Variants in SCN10A observed in about 807,000 individuals in gnomAD.
SCN10A encodes sodium channel protein type 10 subunit alpha.
Under a neutral mutation model 170.7 loss-of-function variants are expected in SCN10A, and 162 were observed. The observed-to-expected ratio is 0.95, with a 90% CI of 0.84 to 1.08. SCN10A has a LOEUF of 1.08. Ranked by LOEUF, SCN10A falls within the 50% of genes least tolerant of loss-of-function variation. SCN10A has a pLI of 0.00. For synonymous variants in SCN10A, 985 were observed against 904.6 expected, an observed-to-expected ratio of 1.09 and a Z score of -1.59; for missense variants, 2,527 against 2,436.9, an observed-to-expected ratio of 1.04 and a Z score of -0.78.
intron 4 of SCN10A, among the ~76,000 whole-genome samples, chr3:38,787,260 T>C (rs534145207): frequency 6.6e-6 from 1 of 152,174 alleles, no homozygotes; most frequent in African/African-American, 2.4e-5. Context: ...ATCTTATTCC[T>C]AGATACTTGA....
At chr3:38,753,619 A>T (rs2063772347) in intron 11 of SCN10A, among the ~76,000 whole-genome samples, 1 of 152,190 alleles carries the variant, frequency 6.6e-6, no homozygotes, top group Admixed American at 6.5e-5. Flanking sequence ...AGGACTATAG[A>T]ACTCATAAAA....
chr3:38,784,202 G>A (rs2064171382), intron 4 of SCN10A, among the ~76,000 whole-genome samples: 1 of 151,974 alleles, frequency 6.6e-6, no homozygotes, highest in Non-Finnish European at 1.5e-5. Context: ...TGCTTCTTGT[G>A]TCATATGTAA....
chr3:38,698,037 G>A lies in SCN10A; in HGVS notation c.5183C>T (p.Ala1728Val). 6.2e-7 allele frequency: 1 copy of A among 1,614,106 alleles called. No individual in the cohort carries two copies. Among genetic ancestry groups the A allele is most frequent in the Non-Finnish European group, 8.5e-7 (1 of 1,180,020 alleles). ...IAVILENFNVATEESTEPLSE... is the reference protein window; with the variant it reads ...IAVILENFNVVTEESTEPLSE... Reference sequence around the variant, plus strand: ...CAGGGGCTCAGTGCTCTCCTCCGTGGCCACATTGAAGTTCTCCAGAATCAC... The same window carrying A: ...CAGGGGCTCAGTGCTCTCCTCCGTGACCACATTGAAGTTCTCCAGAATCAC... Residue 1728 changes from alanine (A) to valine (V), a missense_variant, in exon 28 of 28, where the codon GCC becomes GTC. By Grantham distance (64) the Ala-to-Val change is moderately conservative. Coordinates refer to ENST00000449082, the MANE Select transcript of SCN10A (RefSeq NM_006514.4).
intron 16 of SCN10A, among the ~76,000 whole-genome samples, chr3:38,728,201 C>A (rs2063477258): frequency 6.6e-6 from 1 of 152,194 alleles, no homozygotes; most frequent in Admixed American, 6.5e-5. Context: ...TTAATTCTCC[C>A]AGTAAACCCA....
intron 15 of SCN10A, 122 bp downstream of exon 15, chr3:38,739,393 C>T: frequency 1.1e-6 from 1 of 880,378 alleles, no homozygotes; most frequent in South Asian, 2.1e-5. Flanking sequence ...AGGAGTCAGA[C>T]CCTGCTCCCT....
intron 1 of SCN10A, among the ~76,000 whole-genome samples, chr3:38,794,751 A>T (rs775449793): frequency 1.3e-5 from 2 of 152,218 alleles, no homozygotes; most frequent in Non-Finnish European, 2.9e-5. Context: ...CCTGGGAATC[A>T]TATGGTATCC....
At chr3:38,732,717 T>A (rs2063523655) in intron 15 of SCN10A, among the ~76,000 whole-genome samples, 1 of 152,210 alleles carries the variant, frequency 6.6e-6, no homozygotes. Context: ...AGCACGAGCC[T>A]CATGAACCAG....
At chr3:38,813,110 A>AT (rs2064451074) in intron 1 of SCN10A, among the ~76,000 whole-genome samples, 1 of 152,134 alleles carries the variant, frequency 6.6e-6, no homozygotes, top group Admixed American at 6.5e-5. Context: ...GCATTCTCTG[A>AT]TTTTTGCTGC....
At chr3:38,743,513 C>T (rs1024140824) in intron 13 of SCN10A, among the ~76,000 whole-genome samples, 3 of 152,190 alleles carry the variant, frequency 2.0e-5, no homozygotes, top group African/African-American at 4.8e-5. Context: ...CCTTCTACAG[C>T]TCCTTACCTC....
At chr3:38,798,646 C>T (rs990568116) in intron 1 of SCN10A, among the ~76,000 whole-genome samples, 2 of 152,092 alleles carry the variant, frequency 1.3e-5, no homozygotes, top group Non-Finnish European at 2.9e-5. Flanking sequence ...TCGGCCCTGG[C>T]TTTCAAACAG....
intron 1 of SCN10A, among the ~76,000 whole-genome samples, chr3:38,813,139 C>A (rs1448799363): frequency 2.0e-5 from 3 of 152,154 alleles, no homozygotes; most frequent in East Asian, 1.9e-4. Context: ...TCTGTGAGCA[C>A]CTTAAAATAA....
chr3:38,783,396 A>G (rs985778790), intron 4 of SCN10A, among the ~76,000 whole-genome samples: 1 of 152,124 alleles, frequency 6.6e-6, no homozygotes, highest in African/African-American at 2.4e-5. Flanking sequence ...ATAAGTATGC[A>G]TTCCTAAACA....
chr3:38,743,077 T>C (rs945591563), intron 13 of SCN10A, among the ~76,000 whole-genome samples: 2 of 152,208 alleles, frequency 1.3e-5, no homozygotes, highest in African/African-American at 4.8e-5. Flanking sequence ...CATTCCTTCA[T>C]TCTTCCAGAT....
intron 4 of SCN10A, among the ~76,000 whole-genome samples, chr3:38,781,523 A>G (rs1350228463): frequency 2.0e-5 from 3 of 152,088 alleles, no homozygotes; most frequent in African/African-American, 7.2e-5. Context: ...CTCATCCACC[A>G]TATTCACCTG....
chr3:38,698,355 G>C lies in SCN10A; in HGVS notation c.4865C>G (p.Ser1622Cys). Residue 1622 changes from serine (S) to cysteine (C), a missense_variant, in exon 28 of 28, where the codon TCT becomes TGT. By Grantham distance (112) the Ser-to-Cys change is moderately radical. Coordinates refer to ENST00000449082, the MANE Select transcript of SCN10A (RefSeq NM_006514.4). ...GGGAAAGCTGGACATACCGAAGATA[G>C]AGTAGATGAACATGACAAGGAATAG... is the stretch of plus-strand genomic sequence containing the variant. ...LLLFLVMFIY[S>C]IFGMSSFPHV... The C allele has an allele frequency of 6.2e-7, 1 of 1,614,004 alleles. No homozygotes were observed. Among genetic ancestry groups the C allele is most frequent in the Non-Finnish European group, 8.5e-7 (1 of 1,179,894 alleles).
In SCN10A at chr3:38,752,455, A is replaced by T; in HGVS notation, c.1519T>A (p.Phe507Ile). ...RRASHGSVFH[F>I]RSPGRDISLP... is the part of the protein sequence containing the mutation. ...GAGATATCTCGGCCAGGGGACCGGA[A>T]ATGGAACACACTGCCATGACTAGCC... is the stretch of plus-strand genomic sequence containing the variant. Residue 507 changes from phenylalanine (F) to isoleucine (I), a missense_variant, in exon 12 of 28, where the codon TTC (phenylalanine) becomes ATC (isoleucine). Transcript: ENST00000449082. The T allele has an allele frequency of 2.5e-6, 4 of 1,612,746 alleles. No individual in the cohort carries two copies. The highest frequency in any genetic ancestry group is 3.4e-6 in the Non-Finnish European group (4 of 1,179,440).
At chr3:38,796,005 A>G (rs1328969914) in intron 1 of SCN10A, among the ~76,000 whole-genome samples, 1 of 152,028 alleles carries the variant, frequency 6.6e-6, no homozygotes, top group Non-Finnish European at 1.5e-5. Flanking sequence ...TCATTCCCAT[A>G]TCTTCACTTC....
intron 20 of SCN10A, among the ~76,000 whole-genome samples, chr3:38,719,110 T>C (rs533224721): frequency 6.6e-6 from 1 of 152,340 alleles, no homozygotes; most frequent in East Asian, 1.9e-4. Context: ...CCTTCTCAAA[T>C]TGGATTTTGG....
intron 1 of SCN10A, among the ~76,000 whole-genome samples, chr3:38,806,046 T>C (rs528729565): frequency 6.6e-6 from 1 of 152,278 alleles, no homozygotes; most frequent in East Asian, 1.9e-4. Flanking sequence ...GAGAGCTGAA[T>C]GGGACTGGCT....
Sources: gnomAD v4.1 joint callset for allele counts (sites outside exome capture counted in the v4.1 genomes callset) on GRCh38, gnomAD v4.1.1 for gene constraint, MANE v1.5 for transcripts, NCBI Gene and HGNC (gene_info 2026-07-23, HGNC 2026-07-21) for gene names.